The following CFHR2 variants were observed in gnomAD, a reference collection of about 807,000 sequenced individuals.
CFHR2 encodes the protein complement factor H related 2.
In CFHR2, 22 loss-of-function variants were observed where a neutral mutation model predicts 21.7. The observed-to-expected ratio is 1.01, with a 90% CI of 0.72 to 1.45. The LOEUF (loss-of-function observed/expected upper bound fraction) is 1.45, where lower values mean the gene tolerates loss of function less well. Among genes scored for constraint, CFHR2 ranks in the 40% most tolerant of loss-of-function variants. The probability of loss-of-function intolerance (pLI) is 0.00; values close to 1 mark genes in which losing one functional copy is unlikely to be tolerated. For synonymous variants in CFHR2, 98 were observed against 97.4 expected, an observed-to-expected ratio of 1.01 and a Z score of -0.04; for missense variants, 294 against 293.3, an observed-to-expected ratio of 1.00 and a Z score of -0.02.
chr1:196,958,185 G>C, intron 4 of CFHR2, 112 bp downstream of exon 4: 1 of 1,070,126 alleles, frequency 9.3e-7, no homozygotes, highest in Non-Finnish European at 1.4e-6. Flanking sequence ...TCTGCTGAAT[G>C]CTTGCCTACC....
At position 196,949,660 on chromosome 1, in the gene CFHR2, G is replaced by T; in HGVS notation, c.253+11G>T. ...CACCAAAGTGTCTCAGTGAGTAAATGCCCTGTTCATTAAATGGATGTCATT... is the reference window on the plus strand; with the variant it reads ...CACCAAAGTGTCTCAGTGAGTAAATTCCCTGTTCATTAAATGGATGTCATT... On this transcript the variant is annotated intron_variant, in intron 2 of 4. Coordinates refer to ENST00000367415, the MANE Select transcript of CFHR2 (RefSeq NM_005666.4). 1 of 1,613,474 alleles carries T rather than the reference G, an allele frequency of 6.2e-7. No homozygotes were observed. The highest frequency in any genetic ancestry group is 8.5e-7 in the Non-Finnish European group (1 of 1,179,512).
intron 3 of CFHR2, among the ~76,000 whole-genome samples, chr1:196,955,732 G>A (rs140916512): frequency 0.024 from 3,612 of 151,928 alleles, 130 homozygotes; most frequent in African/African-American, 0.08. Flanking sequence ...CTGTAATCTC[G>A]GCTATTTGGG....
Position 196,957,962 on chromosome 1 carries a change from T to C in CFHR2, c.502T>C (p.Tyr168His). 1 of 1,613,764 alleles carries C rather than the reference T, an allele frequency of 6.2e-7. No homozygotes were observed. The highest frequency in any genetic ancestry group is 8.5e-7 in the Non-Finnish European group (1 of 1,179,734). Residue 168 changes from tyrosine to histidine, a missense_variant, in exon 4 of 5, where the codon TAT becomes CAT. Coordinates refer to ENST00000367415, the MANE Select transcript of CFHR2 (RefSeq NM_005666.4). ...GDITSFLLSV[Y>H]APGSSVEYQC... Reference sequence around the variant, plus strand: ...CATTACTTCATTCCTGTTGTCAGTATATGCTCCAGGTTCATCAGTTGAGTA... The same window carrying C: ...CATTACTTCATTCCTGTTGTCAGTACATGCTCCAGGTTCATCAGTTGAGTA...
chr1:196,958,177 T>A, intron 4 of CFHR2, 104 bp downstream of exon 4: 9 of 1,141,850 alleles, frequency 7.9e-6, no homozygotes, highest in South Asian at 1.5e-5. Flanking sequence ...ACAAGCATTC[T>A]GCTGAATGCT....
At chr1:196,949,364 A>C in intron 1 of CFHR2, 91 bp from the exon 2 acceptor site, 1 of 1,321,282 alleles carries the variant, frequency 7.6e-7, no homozygotes, top group South Asian at 1.5e-5. Flanking sequence ...TAAATGAAAG[A>C]AAAAAACTAA....
Position 196,951,036 on chromosome 1 carries a change from C to A in CFHR2, c.430+8C>A, listed in dbSNP as rs767060820. On this transcript the variant is annotated splice_region_variant and intron_variant, in intron 3 of 4. Transcript: ENST00000367415. ...CCAAATGCAGGTCCACTAGTAAGTG[C>A]AATGTTGTTCTCTCAGATGCTGTTA... 6.2e-7 allele frequency: 1 copy of A among 1,613,796 alleles called. No individual in the cohort carries two copies. The highest frequency in any genetic ancestry group is 8.5e-7 in the Non-Finnish European group (1 of 1,179,802).
At chr1:196,945,168 G>A (rs1284063215) in intron 1 of CFHR2, among the ~76,000 whole-genome samples, 3 of 144,756 alleles carry the variant, frequency 2.1e-5, no homozygotes, top group East Asian at 4.0e-4. Context: ...AAGCCACCAC[G>A]CCTAGCCCTT....
chr1:196,946,507 G>A (rs967858948), intron 1 of CFHR2, among the ~76,000 whole-genome samples: 10 of 151,740 alleles, frequency 6.6e-5, no homozygotes, highest in Admixed American at 3.9e-4. Flanking sequence ...TTTTCTTTCT[G>A]TTCTTGTGCT....
intron 1 of CFHR2, among the ~76,000 whole-genome samples, chr1:196,947,054 C>G (rs949140194): frequency 6.6e-6 from 1 of 151,994 alleles, no homozygotes; most frequent in Non-Finnish European, 1.5e-5. Context: ...TCTTATGGGT[C>G]CACTGTCACA....
In CFHR2 at chr1:196,950,981, C is replaced by A. The variant is rs778808347; in HGVS notation, c.383C>A (p.Ser128Ter). 4.3e-6 allele frequency: 7 copies of A among 1,613,974 alleles called. No individual in the cohort carries two copies. The East Asian group carries it at 1.3e-4, about 31-fold the overall frequency. ...CTTCAAAACAATGAGAACAACATTT[C>A]ATGTGTAGAACGGGGCTGGTCCACT... is the stretch of plus-strand genomic sequence containing the variant. Reference protein sequence around the residue: ...YRLQNNENNISCVERGWSTPP... With the variant: ...YRLQNNENNI Residue 128 changes from serine to a stop codon, truncating the protein, a stop_gained, in exon 3 of 5, where the codon TCA becomes TAA. Transcript: ENST00000367415. LOFTEE classifies it high-confidence loss of function.
At chr1:196,955,344 G>C (rs1182246482) in intron 3 of CFHR2, among the ~76,000 whole-genome samples, 2 of 152,080 alleles carry the variant, frequency 1.3e-5, no homozygotes, top group Non-Finnish European at 2.9e-5. Flanking sequence ...CAAAACCATT[G>C]AACAAGTCTC....
chr1:196,950,550 T>G (rs2125007672), intron 2 of CFHR2, among the ~76,000 whole-genome samples: 1 of 152,312 alleles, frequency 6.6e-6, no homozygotes, highest in Admixed American at 6.5e-5. Context: ...CTCGACTCAC[T>G]GCTACCTCTG....
At position 196,949,343 on chromosome 1, in the gene CFHR2, G is replaced by T. The variant is rs1049372390; in HGVS notation, c.59-112G>T. The T allele has an allele frequency of 4.9e-6, 5 of 1,028,182 alleles. No homozygotes were observed. In the Admixed American group the frequency reaches 8.2e-5, roughly 17 times the overall value. The allele number at this position is 1,028,182 out of a possible 1,614,324, so 63.7% of individuals were successfully genotyped here. ...GACACTGGAGAGCATTTAAGCTAAA[G>T]GCATTTAAGCTAAATGAAAGAAAAA... On this transcript the variant is annotated intron_variant, in intron 1 of 4. Coordinates refer to ENST00000367415, the MANE Select transcript of CFHR2 (RefSeq NM_005666.4).
At chr1:196,958,332 G>A (rs186038404) in intron 4 of CFHR2, among the ~76,000 whole-genome samples, 2 of 151,686 alleles carry the variant, frequency 1.3e-5, no homozygotes, top group East Asian at 1.9e-4. Context: ...TATTTATAAA[G>A]CAATGATTAC....
chr1:196,949,462 C>A lies in CFHR2; in HGVS notation c.66C>A (p.Phe22Leu). 2 of 1,612,018 alleles carry A rather than the reference C, an allele frequency of 1.2e-6. No individual in the cohort carries two copies. The highest frequency in any genetic ancestry group is 8.5e-7 in the Non-Finnish European group (1 of 1,178,798). The change falls in exon 2 of 5, where the codon TTC (phenylalanine) becomes TTA (leucine). Residue 22 changes from phenylalanine to leucine, a missense_variant. Transcript: ENST00000367415. ...TTTGTGTTATTTTCCCAGCAATGTT[C>A]TGTGATTTTCCAAAAATAAACCATG... ...RISSVGGEAM[F>L]CDFPKINHGI... is the part of the protein sequence containing the mutation.
At chr1:196,949,349 T>C in intron 1 of CFHR2, 106 bp from the exon 2 acceptor site, 2 of 1,142,140 alleles carry the variant, frequency 1.8e-6, no homozygotes, top group Non-Finnish European at 2.5e-6. Flanking sequence ...TAAAGGCATT[T>C]AAGCTAAATG....
At chr1:196,946,114 A>C (rs1029338741) in intron 1 of CFHR2, among the ~76,000 whole-genome samples, 1 of 152,220 alleles carries the variant, frequency 6.6e-6, no homozygotes. Context: ...GGCTTTTACC[A>C]TGAATAGGGT....
chr1:196,957,071 G>A (rs756224732), intron 3 of CFHR2, among the ~76,000 whole-genome samples: 5 of 152,100 alleles, frequency 3.3e-5, no homozygotes, highest in Admixed American at 3.3e-4. Flanking sequence ...CTTTCCTACA[G>A]TATGTAAGTT....
At position 196,951,004 on chromosome 1, in the gene CFHR2, A is replaced by T. The variant is rs192438709; in HGVS notation, c.406A>T (p.Thr136Ser). ...NISCVERGWS[T>S]PPKCRSTISA... Reference sequence around the variant, plus strand: ...TTCATGTGTAGAACGGGGCTGGTCCACTCCTCCCAAATGCAGGTCCACTAG... The same window carrying T: ...TTCATGTGTAGAACGGGGCTGGTCCTCTCCTCCCAAATGCAGGTCCACTAG... Residue 136 changes from threonine to serine, a missense_variant, in exon 3 of 5, where the codon ACT becomes TCT. Thr to Ser is a moderately conservative substitution (Grantham distance 58, BLOSUM62 1). Coordinates refer to ENST00000367415, the MANE Select transcript of CFHR2 (RefSeq NM_005666.4). 2.5e-6 allele frequency: 4 copies of T among 1,613,404 alleles called. No individual in the cohort carries two copies. The highest frequency in any genetic ancestry group is 3.4e-6 in the Non-Finnish European group (4 of 1,179,808).
Sources: gnomAD v4.1 joint callset for allele counts (sites outside exome capture counted in the v4.1 genomes callset) on GRCh38, gnomAD v4.1.1 for gene constraint, MANE v1.5 for transcripts, NCBI Gene and HGNC (gene_info 2026-07-23, HGNC 2026-07-21) for gene names.